The following TMEFF2 variants were observed in gnomAD, a reference collection of about 807,000 sequenced individuals.
The protein encoded by TMEFF2 is transmembrane protein with EGF like and two follistatin like domains 2.
In TMEFF2, 28 loss-of-function variants were observed where a neutral mutation model predicts 53.8. The ratio of observed to expected loss-of-function variants is 0.52; its 90% CI spans 0.39 to 0.71. TMEFF2 has a LOEUF of 0.71. TMEFF2 is among the 30% of genes least tolerant of loss of function. TMEFF2 has a pLI of 0.00. For missense variants in TMEFF2, 353 were observed against 455.2 expected, an observed-to-expected ratio of 0.78 and a Z score of 2.04; for synonymous variants, 162 against 166.3, an observed-to-expected ratio of 0.97 and a Z score of 0.20.
intron 7 of TMEFF2, among the ~76,000 whole-genome samples, chr2:191,980,579 C>T (rs4302170): frequency 0.74 from 112,999 of 151,996 alleles, 42,230 homozygotes; most frequent in East Asian, 0.92. Context: ...TTGTTATTTG[C>T]CCCATGGTTA....
At chr2:191,979,842 C>CTCTATCTA (rs945433067) in intron 7 of TMEFF2, among the ~76,000 whole-genome samples, 64 of 147,342 alleles carry the variant, frequency 4.3e-4, no homozygotes, top group African/African-American at 1.6e-3. Flanking sequence ...CTATATATAT[C>CTCTATCTA]TCTATCTATC....
chr2:192,070,582 C>G (rs1688272255), intron 4 of TMEFF2, among the ~76,000 whole-genome samples: 1 of 151,926 alleles, frequency 6.6e-6, no homozygotes, highest in Non-Finnish European at 1.5e-5. Context: ...TCACCTTCAT[C>G]TCTAGCCTCT....
intron 5 of TMEFF2, among the ~76,000 whole-genome samples, chr2:192,038,267 G>A (rs1209472765): frequency 6.6e-6 from 1 of 152,072 alleles, no homozygotes; most frequent in Non-Finnish European, 1.5e-5. Flanking sequence ...TAAGAGCTAA[G>A]TAAACTTAGA....
chr2:192,036,111 A>G (rs1687286454), intron 5 of TMEFF2: 1 of 152,146 alleles, frequency 6.6e-6, no homozygotes, highest in Non-Finnish European at 1.5e-5. Flanking sequence ...TTATTTATTC[A>G]TCATTCATTT....
chr2:192,127,373 A>T (rs13006906), intron 4 of TMEFF2, among the ~76,000 whole-genome samples: 22,397 of 152,208 alleles, frequency 0.15, 2,392 homozygotes, highest in African/African-American at 0.28. Flanking sequence ...CTGAGTGAAC[A>T]CTCAATGGTG....
intron 4 of TMEFF2, chr2:192,176,951 C>T (rs993382290): frequency 6.6e-6 from 1 of 150,756 alleles, no homozygotes; most frequent in African/African-American, 2.4e-5. Flanking sequence ...AAATTTGTTC[C>T]CTTCACTCTT....
intron 4 of TMEFF2, among the ~76,000 whole-genome samples, chr2:192,126,058 T>G (rs1226164062): frequency 6.6e-6 from 1 of 152,184 alleles, no homozygotes; most frequent in Non-Finnish European, 1.5e-5. Flanking sequence ...GTTTGTTTTT[T>G]GAAAATATAC....
intron 7 of TMEFF2, among the ~76,000 whole-genome samples, chr2:191,985,724 GT>G (rs1685960120): frequency 6.6e-6 from 1 of 152,130 alleles, no homozygotes; most frequent in East Asian, 1.9e-4. Context: ...AGTAATTATT[GT>G]GGCAAAGTCT....
At chr2:192,049,076 G>T (rs375568644) in intron 5 of TMEFF2, among the ~76,000 whole-genome samples, 3 of 152,042 alleles carry the variant, frequency 2.0e-5, no homozygotes, top group Non-Finnish European at 2.9e-5. Context: ...ATCCCAAACT[G>T]CCACTTAAAG....
intron 4 of TMEFF2, among the ~76,000 whole-genome samples, chr2:192,115,701 G>C (rs2356949): frequency 0.43 from 65,463 of 151,792 alleles, 14,350 homozygotes; most frequent in South Asian, 0.49. Context: ...TCATTTATTC[G>C]AAAGCTTACA....
At chr2:192,041,235 T>G (rs1278486633) in intron 5 of TMEFF2, among the ~76,000 whole-genome samples, 1 of 152,140 alleles carries the variant, frequency 6.6e-6, no homozygotes. Context: ...TATATTTAGA[T>G]TATATATATT....
chr2:192,094,126 T>C (rs1287024179), intron 4 of TMEFF2, among the ~76,000 whole-genome samples: 2 of 152,236 alleles, frequency 1.3e-5, no homozygotes, highest in Non-Finnish European at 2.9e-5. Context: ...GAATGAAGCT[T>C]ATCCACTTTA....
At chr2:192,071,091 A>G (rs1688284455) in intron 4 of TMEFF2, among the ~76,000 whole-genome samples, 1 of 151,910 alleles carries the variant, frequency 6.6e-6, no homozygotes. Context: ...GAGGCTGTGC[A>G]GCAGAGAGAT....
intron 4 of TMEFF2, among the ~76,000 whole-genome samples, chr2:192,084,328 C>T (rs1017064559): frequency 6.6e-6 from 1 of 152,160 alleles, no homozygotes; most frequent in Non-Finnish European, 1.5e-5. Context: ...TGTTCCACAG[C>T]AAAATTATAA....
At chr2:191,998,481 C>A (rs1686277636) in intron 6 of TMEFF2, among the ~76,000 whole-genome samples, 160 bp from the exon 7 acceptor site, 1 of 151,888 alleles carries the variant, frequency 6.6e-6, no homozygotes, top group African/African-American at 2.4e-5. Flanking sequence ...TTTACAATGT[C>A]AATTTCTGTC....
intron 7 of TMEFF2, among the ~76,000 whole-genome samples, chr2:191,964,350 T>TTC (rs1282571400): frequency 9.6e-6 from 1 of 104,340 alleles, no homozygotes; most frequent in Non-Finnish European, 1.9e-5. Flanking sequence ...CTTTCTTTCT[T>TTC]TCTTTCTTTC....
intron 5 of TMEFF2, among the ~76,000 whole-genome samples, chr2:192,053,814 A>T (rs957430629): frequency 6.6e-6 from 1 of 152,050 alleles, no homozygotes; most frequent in Non-Finnish European, 1.5e-5. Flanking sequence ...CTTTCATTCT[A>T]TGCCTATTTA....
chr2:192,050,360 T>G (rs1687737435), intron 5 of TMEFF2, among the ~76,000 whole-genome samples: 1 of 152,170 alleles, frequency 6.6e-6, no homozygotes, highest in East Asian at 1.9e-4. Context: ...TCTCTAGAAT[T>G]TATGTGAAAA....
At chr2:192,124,307 T>C (rs1389686644) in intron 4 of TMEFF2, among the ~76,000 whole-genome samples, 6 of 152,234 alleles carry the variant, frequency 3.9e-5, no homozygotes. Context: ...ATTCAATTTA[T>C]GGTTTCATTT....
Sources: gnomAD v4.1 joint callset for allele counts (sites outside exome capture counted in the v4.1 genomes callset) on GRCh38, gnomAD v4.1.1 for gene constraint, MANE v1.5 for transcripts, NCBI Gene and HGNC (gene_info 2026-07-23, HGNC 2026-07-21) for gene names.